GLRA2: variants seen among roughly 807,000 people sequenced by gnomAD.
The protein encoded by GLRA2 is glycine receptor alpha 2.
In GLRA2, 11 loss-of-function variants were observed where a neutral mutation model predicts 31.6. The observed-to-expected ratio is 0.35, with a 90% CI of 0.22 to 0.58. The LOEUF (loss-of-function observed/expected upper bound fraction) is 0.58. Among genes scored for constraint, GLRA2 ranks in the 20% least tolerant of loss-of-function variants. The pLI, the probability that GLRA2 is intolerant of heterozygous loss-of-function variation, is 0.84. For missense variants in GLRA2, 212 were observed against 351.8 expected (o/e 0.60, Z 3.18); for synonymous variants, 132 against 134.0 (o/e 0.99, Z 0.10).
the GLRA2 span, among the ~76,000 whole-genome samples, chrX:14,511,455 C>G: frequency 2.7e-5 from 3 of 111,632 alleles, no homozygotes; most frequent in African/African-American, 9.7e-5. Context: ...AGCAATTTAT[C>G]TAAGTCATTT....
chrX:14,684,203 G>A (rs1490433130), intron 7 of GLRA2, among the ~76,000 whole-genome samples: 5 of 111,323 alleles, frequency 4.5e-5, no homozygotes, highest in Non-Finnish European at 9.4e-5. Context: ...GTACCATGCT[G>A]TTTTGGTTAC....
At chrX:14,622,650 G>A (rs541492438) in intron 7 of GLRA2, among the ~76,000 whole-genome samples, 3 of 111,906 alleles carry the variant, frequency 2.7e-5, no homozygotes, top group Non-Finnish European at 3.8e-5. Context: ...GTTTGTCAAA[G>A]ATCAGATGGT....
intron 7 of GLRA2, among the ~76,000 whole-genome samples, chrX:14,618,100 T>C (rs768174736): frequency 1.8e-5 from 2 of 112,318 alleles, no homozygotes; most frequent in South Asian, 7.3e-4. Flanking sequence ...GTGATGTTCT[T>C]TCTAATTTTG....
chrX:14,650,617 C>A (rs1370866169), intron 7 of GLRA2, among the ~76,000 whole-genome samples: 1 of 110,763 alleles, frequency 9.0e-6, no homozygotes, highest in Admixed American at 9.6e-5. Context: ...TTACCATGGA[C>A]CAAAAAAAAT....
chrX:14,474,998 A>G, the GLRA2 span, among the ~76,000 whole-genome samples: 1 of 111,791 alleles, frequency 8.9e-6, no homozygotes, highest in African/African-American at 3.3e-5. Flanking sequence ...TACCACACAA[A>G]ATCATGGCAC....
At position 14,604,305 on chromosome X, in the gene GLRA2, G is replaced by A. The variant is rs1470990868; in HGVS notation, c.495-10G>A. The stretch of plus-strand genomic sequence containing the variant: ...AAAAATGGTTTTTAATTTTTTTTTT[G>A]TTTGCTAAGACTCACCTTGACCTTA... On this transcript the variant is annotated splice_polypyrimidine_tract_variant and intron_variant, in intron 4 of 8. Transcript: ENST00000218075. 9.3e-7 allele frequency: 1 copy of A among 1,078,792 alleles called. No homozygotes were observed. The highest frequency in any genetic ancestry group is 2.0e-5 in the South Asian group (1 of 50,753). The allele number at this position is 1,078,792 out of a possible 1,213,427, so 88.9% of individuals were successfully genotyped here.
the GLRA2 span, among the ~76,000 whole-genome samples, chrX:14,506,408 A>G: frequency 9.1e-6 from 1 of 109,327 alleles, no homozygotes; most frequent in Admixed American, 9.7e-5. Flanking sequence ...CTCCTACATC[A>G]TTTTCCACCC....
At position 14,673,036 on chromosome X, in the gene GLRA2, C is replaced by G. The variant is rs996840343; in HGVS notation, c.931-17674C>G. 7.2e-4 allele frequency among the ~76,000 whole-genome samples: 80 copies of G among 111,326 alleles called. 2 individuals are homozygous for G. Among genetic ancestry groups the G allele is most frequent in the Non-Finnish European group, 2.6e-4 (14 of 53,064 alleles). On this transcript the variant is annotated intron_variant, in intron 7 of 8. Transcript: ENST00000218075. ...ACTAAATCAGTCCACAAGCCAGAGT[C>G]TGGGTCGGAAAGCTTCTCGGCTACC...
intron 8 of GLRA2, among the ~76,000 whole-genome samples, chrX:14,710,298 GA>G (rs2048549256): frequency 8.9e-6 from 1 of 112,054 alleles, no homozygotes; most frequent in African/African-American, 3.2e-5. Context: ...AGCAGAAATT[GA>G]GCAGTAAGAG....
At chrX:14,654,474 G>A (rs1282100193) in intron 7 of GLRA2, among the ~76,000 whole-genome samples, 1 of 111,725 alleles carries the variant, frequency 9.0e-6, no homozygotes, top group Non-Finnish European at 1.9e-5. Flanking sequence ...TATGCACCAA[G>A]GTACCAAAAA....
chrX:14,566,538 T>A (rs1208036482), intron 2 of GLRA2, among the ~76,000 whole-genome samples: 1 of 111,629 alleles, frequency 9.0e-6, no homozygotes, highest in East Asian at 2.8e-4. Flanking sequence ...TGCTTGTAAT[T>A]GTATGTTGTC....
rs760612201 is a variant in GLRA2 at position 14,552,803 on chromosome X, T to C, written c.202+20431T>C. ...CTTGCTTTTCTATAGTACTGCTCTATTGTGTCTGGTACAACACACAAAATT... is the reference window on the plus strand; with the variant it reads ...CTTGCTTTTCTATAGTACTGCTCTACTGTGTCTGGTACAACACACAAAATT... On this transcript the variant is annotated intron_variant, in intron 2 of 8. Coordinates refer to ENST00000218075, the MANE Select transcript of GLRA2 (RefSeq NM_002063.4). Among the ~76,000 whole-genome samples, 5 of 112,037 alleles carry C rather than the reference T, an allele frequency of 4.5e-5. No homozygotes were observed. In the South Asian group the frequency reaches 1.9e-3, roughly 42 times the overall value.
intron 2 of GLRA2, among the ~76,000 whole-genome samples, chrX:14,554,031 G>A (rs1029628525): frequency 8.9e-6 from 1 of 112,184 alleles, no homozygotes; most frequent in African/African-American, 3.2e-5. Flanking sequence ...CCAATATACA[G>A]AAGGACTTCA....
intron 7 of GLRA2, among the ~76,000 whole-genome samples, chrX:14,647,111 G>A (rs907404180): frequency 3.6e-5 from 4 of 111,884 alleles, no homozygotes; most frequent in Non-Finnish European, 5.6e-5. Context: ...ACAGAGAAAA[G>A]TGCAGAAGGA....
At chrX:14,548,055 C>G (rs1416641320) in intron 2 of GLRA2, among the ~76,000 whole-genome samples, 1 of 112,044 alleles carries the variant, frequency 8.9e-6, no homozygotes, top group Admixed American at 9.5e-5. Flanking sequence ...TTATTATCTG[C>G]TAATTATTGT....
At chrX:14,501,979 T>C in the GLRA2 span, among the ~76,000 whole-genome samples, 9 of 111,459 alleles carry the variant, frequency 8.1e-5, no homozygotes, top group African/African-American at 2.9e-4. Context: ...GTCCTAATCT[T>C]TTCTTATAAG....
intron 3 of GLRA2, among the ~76,000 whole-genome samples, chrX:14,580,436 C>A (rs2090004148): frequency 9.0e-6 from 1 of 111,279 alleles, no homozygotes; most frequent in Admixed American, 9.6e-5. Context: ...TAGAAGTCCC[C>A]AGAAGAGCAG....
chrX:14,531,419 A>T (rs1363553189), intron 1 of GLRA2, among the ~76,000 whole-genome samples: 2 of 111,411 alleles, frequency 1.8e-5, no homozygotes, highest in Non-Finnish European at 3.8e-5. Context: ...TTTGCTACAA[A>T]CCAAATATGC....
chrX:14,657,506 G>A lies in GLRA2; in HGVS notation c.931-33204G>A, dbSNP rs562689952. On this transcript the variant is annotated intron_variant, in intron 7 of 8. Transcript: ENST00000218075. ...CTCAGAAAACAGGGATCAGCACAAAGAGCCAGCCCTCTGGGCATGGTGTCC... is the reference window on the plus strand; with the variant it reads ...CTCAGAAAACAGGGATCAGCACAAAAAGCCAGCCCTCTGGGCATGGTGTCC... Among the ~76,000 whole-genome samples the A allele has an allele frequency of 1.2e-4, 14 of 112,594 alleles. No individual in the cohort carries two copies. In the South Asian group the frequency reaches 5.1e-3, roughly 41 times the overall value.
Sources: gnomAD v4.1 joint callset for allele counts (sites outside exome capture counted in the v4.1 genomes callset) on GRCh38, gnomAD v4.1.1 for gene constraint, MANE v1.5 for transcripts, NCBI Gene and HGNC (gene_info 2026-07-23, HGNC 2026-07-21) for gene names.